The following IFT122 variants were observed in gnomAD, a reference collection of about 807,000 sequenced individuals.
The protein encoded by IFT122 is intraflagellar transport 122, also known as intraflagellar transport protein 122 homolog.
In IFT122, 118 loss-of-function variants were observed where a neutral mutation model predicts 161.6. The ratio of observed to expected loss-of-function variants is 0.73; its 90% CI spans 0.63 to 0.85. IFT122 has a LOEUF of 0.85. Ranked by LOEUF, IFT122 falls within the 40% of genes least tolerant of loss-of-function variation. The pLI is 0.00. For missense variants in IFT122, 1,381 were observed against 1,579.6 expected (o/e 0.87, Z 2.13); for synonymous variants, 550 against 602.4 (o/e 0.91, Z 1.27).
At chr3:129,444,884 C>T (rs1240138776) in intron 1 of IFT122, among the ~76,000 whole-genome samples, 1 of 152,148 alleles carries the variant, frequency 6.6e-6, no homozygotes, top group African/African-American at 2.4e-5. Flanking sequence ...TTAAAGGAAG[C>T]GTCAGGTCAA....
At position 129,466,805 on chromosome 3, in the gene IFT122, C is replaced by T. The variant is rs557512128; in HGVS notation, c.564-85C>T. The T allele has an allele frequency of 5.4e-5, 75 of 1,378,522 alleles. No individual in the cohort carries two copies. The African/African-American group carries it at 9.0e-4, about 16-fold the overall frequency. The allele number at this position is 1,378,522 out of a possible 1,614,324, so 85.4% of individuals were successfully genotyped here. On this transcript the variant is annotated intron_variant, in intron 7 of 29. Coordinates refer to ENST00000348417, the MANE Select transcript of IFT122 (RefSeq NM_052989.3). ...GGCGTGAGTCACTGCACCTGGCCCC[C>T]AGGGGCTCCTTGCCAGGATTTTAAA...
intron 7 of IFT122, among the ~76,000 whole-genome samples, chr3:129,466,495 C>CTTTTTTTTTTTTTT (rs527470540): frequency 4.9e-5 from 5 of 102,180 alleles, no homozygotes; most frequent in Admixed American, 1.2e-4. Flanking sequence ...TATTTTTATT[C>CTTTTTTTTTTTTTT]TTTTTTTTTT....
Position 129,449,915 on chromosome 3 carries a change from T to G in IFT122, c.86T>G (p.Leu29Trp), listed in dbSNP as rs773090330. Residue 29 changes from leucine (L) to tryptophan (W), a missense_variant, in exon 2 of 30, where the codon TTG (leucine) becomes TGG (tryptophan). Leu to Trp is a moderately conservative substitution (Grantham distance 61). Around this residue, in one of 7 missense-constraint regions of IFT122, gnomAD observed 134 missense variants for 137.4 expected, o/e 0.98. Transcript: ENST00000348417. ...AFKPDGTQLI[L>W]AAGSRLLVYD... ...AAGCCTGATGGAACTCAACTGATTT[T>G]GGCTGCCGGAAGCAGATTACTGGTA... 5 of 1,613,102 alleles carry G rather than the reference T, an allele frequency of 3.1e-6. No individual in the cohort carries two copies. The South Asian group carries it at 5.5e-5, about 18-fold the overall frequency.
intron 16 of IFT122, among the ~76,000 whole-genome samples, chr3:129,491,766 C>T (rs2080122197): frequency 6.6e-6 from 1 of 152,172 alleles, no homozygotes; most frequent in Non-Finnish European, 1.5e-5. Context: ...TCAGTCCATG[C>T]ATCTCATCCT....
chr3:129,494,075 G>T (rs1276038940), intron 17 of IFT122, among the ~76,000 whole-genome samples: 1 of 152,140 alleles, frequency 6.6e-6, no homozygotes, highest in Non-Finnish European at 1.5e-5. Flanking sequence ...TCCTGCTGAC[G>T]GGGGGAAAGA....
At chr3:129,450,265 G>A (rs1054788153) in intron 2 of IFT122, among the ~76,000 whole-genome samples, 2 of 152,158 alleles carry the variant, frequency 1.3e-5, no homozygotes, top group African/African-American at 2.4e-5. Flanking sequence ...AAAAATTCAA[G>A]CAACAGGACT....
intron 5 of IFT122, chr3:129,461,632 T>A (rs2108076043): frequency 2.4e-6 from 1 of 411,430 alleles, no homozygotes; most frequent in African/African-American, 2.0e-5. Flanking sequence ...TGGGAAGCCT[T>A]CCCTGACTCA....
chr3:129,517,565 A>G lies in IFT122; in HGVS notation c.3362A>G (p.Asp1121Gly), dbSNP rs1375899035. ...IDLEVLRPKRDDRQLEIANNS... is the reference protein window; with the variant it reads ...IDLEVLRPKRGDRQLEIANNS... The stretch of plus-strand genomic sequence containing the variant: ...CTGGAGGTGCTGAGACCCAAGCGGG[A>G]TGACAGACAGCTAGAGATTGCAAAC... Residue 1121 changes from aspartate (D) to glycine (G), a missense_variant, in exon 27 of 30, where the codon GAT becomes GGT. This residue lies in a region of IFT122 where 177 missense variants were observed against 199.2 expected (regional missense o/e 0.89). Transcript: ENST00000348417. The G allele has an allele frequency of 6.2e-7, 1 of 1,613,750 alleles. No homozygotes were observed. The highest frequency in any genetic ancestry group is 1.3e-5 in the African/African-American group (1 of 74,916).
intron 19 of IFT122, 115 bp downstream of exon 19, chr3:129,500,183 T>A: frequency 1.6e-6 from 2 of 1,255,316 alleles, no homozygotes; most frequent in Non-Finnish European, 2.3e-6. Flanking sequence ...AATGTGATAG[T>A]GGCTAGGTTC....
At chr3:129,464,816 A>G (rs765392985) in intron 7 of IFT122, 35 bp downstream of exon 7, 1 of 1,612,380 alleles carries the variant, frequency 6.2e-7, no homozygotes, top group Admixed American at 1.7e-5. Context: ...TAGAACAAAC[A>G]CCATCATGAA....
intron 18 of IFT122, among the ~76,000 whole-genome samples, chr3:129,499,311 A>G (rs1490704063): frequency 1.3e-5 from 2 of 152,248 alleles, no homozygotes; most frequent in Non-Finnish European, 2.9e-5. Context: ...AGGGCACAGA[A>G]TGTTTGCTGG....
Position 129,500,089 on chromosome 3 carries a change from C to T in IFT122, c.2375+21C>T, listed in dbSNP as rs200844676. On this transcript the variant is annotated intron_variant, in intron 19 of 29. Coordinates refer to ENST00000348417, the MANE Select transcript of IFT122 (RefSeq NM_052989.3). ...GACATGTAGGTTTTGGTCCCTGCCC[C>T]GAGAAGCATTTGGCAGCATGTCATC... is the stretch of plus-strand genomic sequence containing the variant. 1.6e-5 allele frequency: 26 copies of T among 1,613,924 alleles called. No individual in the cohort carries two copies. In the Admixed American group the frequency reaches 4.2e-4, roughly 26 times the overall value.
intron 5 of IFT122, among the ~76,000 whole-genome samples, chr3:129,461,695 G>A (rs1411943329): frequency 6.6e-6 from 1 of 152,184 alleles, no homozygotes; most frequent in Non-Finnish European, 1.5e-5. Context: ...CCACATCTAT[G>A]TTTATGTGAA....
intron 8 of IFT122, among the ~76,000 whole-genome samples, chr3:129,467,312 C>A (rs2076914454): frequency 6.6e-6 from 1 of 152,192 alleles, no homozygotes; most frequent in Admixed American, 6.5e-5. Context: ...TCTGATAAAA[C>A]CCCATCCCCT....
rs572255539 is a variant in IFT122 at position 129,483,442 on chromosome 3, C to T, written c.1654-43C>T. Reference sequence around the variant, plus strand: ...TGAAATGTGTGAGCGCTGACCAAGCCCAGGGTGGTTCTCACAGGATCCCCA... The same window carrying T: ...TGAAATGTGTGAGCGCTGACCAAGCTCAGGGTGGTTCTCACAGGATCCCCA... On this transcript the variant is annotated intron_variant, in intron 14 of 29. Transcript: ENST00000348417. 26 of 1,569,684 alleles carry T rather than the reference C, an allele frequency of 1.7e-5. No homozygotes were observed. The South Asian group carries it at 2.6e-4, about 15-fold the overall frequency.
At chr3:129,472,662 AT>A (rs1431923127) in intron 9 of IFT122, among the ~76,000 whole-genome samples, 1 of 152,022 alleles carries the variant, frequency 6.6e-6, no homozygotes, top group Non-Finnish European at 1.5e-5. Flanking sequence ...TTCTTGAAAT[AT>A]TTCTTCTTCT....
chr3:129,460,745 T>C (rs2076127369), intron 4 of IFT122: 3 of 858,338 alleles, frequency 3.5e-6, no homozygotes, highest in Non-Finnish European at 6.0e-6. Flanking sequence ...AGTGAAGTTG[T>C]AAGTAAAGTA....
At chr3:129,491,587 C>T (rs1338895133) in intron 16 of IFT122, among the ~76,000 whole-genome samples, 2 of 152,112 alleles carry the variant, frequency 1.3e-5, no homozygotes, top group Non-Finnish European at 2.9e-5. Flanking sequence ...CATTCCCTAC[C>T]CCTCCACCTT....
intron 16 of IFT122, among the ~76,000 whole-genome samples, chr3:129,491,354 A>G (rs2080066892): frequency 6.6e-6 from 1 of 152,202 alleles, no homozygotes; most frequent in African/African-American, 2.4e-5. Flanking sequence ...TGGTGACAGC[A>G]AAGCCACCTG....
Sources: allele counts gnomAD v4.1 joint callset (sites outside exome capture counted in the v4.1 genomes callset), GRCh38; gene constraint gnomAD v4.1.1; regional missense constraint gnomAD v4.1.1; transcripts MANE v1.5; gene names NCBI Gene and HGNC (gene_info 2026-07-23, HGNC 2026-07-21).